Variants in C5AR2 observed in about 807,000 individuals in gnomAD.
The protein encoded by C5AR2 is C5a anaphylatoxin chemotactic receptor 2.
For synonymous variants in C5AR2, 224 were observed against 216.5 expected (o/e 1.03, Z -0.30); for missense variants, 458 against 467.5 (o/e 0.98, Z 0.19).
At chr19:47,336,672 A>G (rs936388004) in intron 1 of C5AR2, among the ~76,000 whole-genome samples, 10 of 151,236 alleles carry the variant, frequency 6.6e-5, no homozygotes, top group Non-Finnish European at 1.3e-4. Context: ...ATGCCTGGCT[A>G]ATTTTTAAAT....
chr19:47,332,628 G>A (rs373190248), intron 1 of C5AR2, among the ~76,000 whole-genome samples: 55 of 152,222 alleles, frequency 3.6e-4, no homozygotes, highest in African/African-American at 1.2e-3. Flanking sequence ...GTGCAATGGT[G>A]CCATCTTGGC....
chr19:47,341,443 C>G lies in C5AR2; in HGVS notation c.644C>G (p.Ala215Gly). The change falls in exon 2 of 2, where the codon GCC becomes GGC. Residue 215 changes from alanine to glycine, a missense_variant. Coordinates refer to ENST00000595464, the MANE Select transcript of C5AR2 (RefSeq NM_001271749.2). This position sits in a 1 kb window ranked among gnomAD's most constrained non-coding sequence, Gnocchi z 4.6. Reference protein sequence around the residue: ...FLFGFLGPLVAVASCHSALLC... With the variant: ...FLFGFLGPLVGVASCHSALLC... ...TTTGGCTTCCTGGGGCCCCTGGTGGCCGTGGCCAGCTGCCACAGTGCCCTC... is the reference window on the plus strand; with the variant it reads ...TTTGGCTTCCTGGGGCCCCTGGTGGGCGTGGCCAGCTGCCACAGTGCCCTC... 1 of 1,611,812 alleles carries G rather than the reference C, an allele frequency of 6.2e-7. No individual in the cohort carries two copies. Among genetic ancestry groups the G allele is most frequent in the South Asian group, 1.1e-5 (1 of 91,084 alleles).
At chr19:47,333,648 G>A (rs928464185) in intron 1 of C5AR2, among the ~76,000 whole-genome samples, 2 of 144,816 alleles carry the variant, frequency 1.4e-5, no homozygotes, top group South Asian at 4.4e-4. Context: ...GTGCGATCTC[G>A]GCTCACTGCA....
chr19:47,340,763 A>G (rs1463962732), intron 1 of C5AR2, 22 bp from the exon 2 acceptor site: 2 of 1,611,862 alleles, frequency 1.2e-6, no homozygotes, highest in South Asian at 1.1e-5. Context: ...CTGAGTTTTC[A>G]TCGTCTTTCT....
chr19:47,338,366 G>A (rs1022721773), intron 1 of C5AR2, among the ~76,000 whole-genome samples: 63 of 150,546 alleles, frequency 4.2e-4, no homozygotes, highest in Middle Eastern at 6.9e-3. Flanking sequence ...AGGACCACTT[G>A]AGCCCAGGAG....
At chr19:47,340,479 A>G (rs964585520) in intron 1 of C5AR2, among the ~76,000 whole-genome samples, 3 of 151,444 alleles carry the variant, frequency 2.0e-5, no homozygotes, top group African/African-American at 7.3e-5. Context: ...AGCTGGGATT[A>G]CAGGTGCCCG....
In C5AR2 at chr19:47,338,282, A is replaced by ATAT. The variant is rs57253009; in HGVS notation, c.-15-2503_-15-2502insTAT. On this transcript the variant is annotated intron_variant, in intron 1 of 1. Coordinates refer to ENST00000595464, the MANE Select transcript of C5AR2 (RefSeq NM_001271749.2). ...ATGGCGAGACCCTGTCTCTAAAAAA[A>ATAT]ATATATATATATAAATTTGCCAGGT... Among the ~76,000 whole-genome samples the ATAT allele has an allele frequency of 9.4e-5, 14 of 149,460 alleles. No homozygotes were observed. In the South Asian group the frequency reaches 1.9e-3, roughly 20 times the overall value.
At position 47,341,942 on chromosome 19, in the gene C5AR2, T is replaced by C. The variant is rs533856489; in HGVS notation, c.*129T>C. 8 of 931,672 alleles carry C rather than the reference T, an allele frequency of 8.6e-6. No individual in the cohort carries two copies. In the East Asian group the frequency reaches 1.3e-4, roughly 15 times the overall value. 57.7% of individuals were successfully genotyped at this position (931,672 alleles called of 1,614,324 possible). A position where few individuals can be genotyped will look rare whatever the true frequency, so the allele number is the denominator to read the frequency against. The stretch of plus-strand genomic sequence containing the variant: ...TCCTTCATTCAACAGATATCCATCA[T>C]GCACTTGCTATGTGCAAGGCCTTTT... On this transcript the variant is annotated 3_prime_UTR_variant, in exon 2 of 2. Transcript: ENST00000595464. This position sits in a 1 kb window ranked among gnomAD's most constrained non-coding sequence, Gnocchi z 4.6.
Position 47,341,243 on chromosome 19 carries a change from G to C in C5AR2, c.444G>C (p.Ala148=). The C allele has an allele frequency of 1.2e-6, 2 of 1,602,480 alleles. No individual in the cohort carries two copies. The highest frequency in any genetic ancestry group is 2.2e-5 in the South Asian group (2 of 91,066). ...GPAWWSTVQR[A]CGVQVACGAA... Reference sequence around the variant, plus strand: ...CCTGGTGGTCTACGGTTCAGCGGGCGTGCGGGGTGCAGGTGGCCTGTGGGG... The same window carrying C: ...CCTGGTGGTCTACGGTTCAGCGGGCCTGCGGGGTGCAGGTGGCCTGTGGGG... Residue 148 remains alanine, a synonymous_variant, in exon 2 of 2, where the codon GCG becomes GCC. Coordinates refer to ENST00000595464, the MANE Select transcript of C5AR2 (RefSeq NM_001271749.2). This position sits in a 1 kb window ranked among gnomAD's most constrained non-coding sequence, Gnocchi z 4.6.
chr19:47,333,801 G>A (rs1178579568), intron 1 of C5AR2, among the ~76,000 whole-genome samples: 1 of 151,956 alleles, frequency 6.6e-6, no homozygotes, highest in East Asian at 1.9e-4. Flanking sequence ...GGATGGTCTC[G>A]ATCTCCTGAC....
chr19:47,341,864 G>A lies in C5AR2; in HGVS notation c.*51G>A. On this transcript the variant is annotated 3_prime_UTR_variant, in exon 2 of 2. Coordinates refer to ENST00000595464, the MANE Select transcript of C5AR2 (RefSeq NM_001271749.2). This position sits in a 1 kb window ranked among gnomAD's most constrained non-coding sequence, Gnocchi z 4.6. ...TCTTCTTATCTCATTTCACAAGACTGGCTTCAGGCATAGCTGGATCCAGGA... is the reference window on the plus strand; with the variant it reads ...TCTTCTTATCTCATTTCACAAGACTAGCTTCAGGCATAGCTGGATCCAGGA... The A allele has an allele frequency of 1.3e-6, 2 of 1,538,860 alleles. No homozygotes were observed. Among genetic ancestry groups the A allele is most frequent in the East Asian group, 2.3e-5 (1 of 44,256 alleles).
In C5AR2 at chr19:47,342,686, A is replaced by T. The variant is rs977869120; in HGVS notation, c.*873A>T. 6.6e-6 allele frequency: 1 copy of T among 152,574 alleles called. No individual in the cohort carries two copies. The highest frequency in any genetic ancestry group is 2.4e-5 in the African/African-American group (1 of 41,398). The allele number at this position is 152,574 out of a possible 1,614,324, so 9.5% of individuals were successfully genotyped here. On this transcript the variant is annotated 3_prime_UTR_variant, in exon 2 of 2. Transcript: ENST00000595464. ...GTGAGCCACCGCACCCGGCCAAAAG[A>T]TTTTAATAGGATCCCTCTGGTTGCT... is the stretch of plus-strand genomic sequence containing the variant.
intron 1 of C5AR2, among the ~76,000 whole-genome samples, chr19:47,333,733 C>T (rs767571854): frequency 2.0e-4 from 31 of 151,970 alleles, no homozygotes; most frequent in Non-Finnish European, 3.5e-4. Flanking sequence ...CGCCCGCCAC[C>T]GCGCCCAGCT....
intron 1 of C5AR2, among the ~76,000 whole-genome samples, chr19:47,333,131 A>G (rs1665489418): frequency 6.6e-6 from 1 of 151,590 alleles, no homozygotes; most frequent in Non-Finnish European, 1.5e-5. Flanking sequence ...CAGCCTGCTG[A>G]GTAGCTGGGA....
At position 47,344,805 on chromosome 19, in the gene C5AR2, G is replaced by C. The variant is rs905617260; in HGVS notation, c.*2992G>C. On this transcript the variant is annotated 3_prime_UTR_variant, in exon 2 of 2. Transcript: ENST00000595464. Reference sequence around the variant, plus strand: ...TTTTATTTTTTTGAGATGAAGTCTTGCTCTGTCACCCAGGCTGGATTGTAG... The same window carrying C: ...TTTTATTTTTTTGAGATGAAGTCTTCCTCTGTCACCCAGGCTGGATTGTAG... 2 of 151,996 alleles carry C rather than the reference G, an allele frequency of 1.3e-5. No homozygotes were observed. Among genetic ancestry groups the C allele is most frequent in the African/African-American group, 4.8e-5 (2 of 41,382 alleles). 9.4% of individuals were successfully genotyped at this position (151,996 alleles called of 1,614,324 possible). A position where few individuals can be genotyped will look rare whatever the true frequency, so the allele number is the denominator to read the frequency against.
In C5AR2 at chr19:47,344,166, A is replaced by AC. The variant is rs1969085067; in HGVS notation, c.*2357dup. On this transcript the variant is annotated 3_prime_UTR_variant, in exon 2 of 2. Transcript: ENST00000595464. ...AGACCTGCCTGGGCAACAGAGCAAGACCCCATCTCTACAAAAATAAAAAAA... is the reference window on the plus strand; with the variant it reads ...AGACCTGCCTGGGCAACAGAGCAAGACCCCCATCTCTACAAAAATAAAAAAA... The AC allele has an allele frequency of 6.6e-6, 1 of 152,058 alleles. No individual in the cohort carries two copies. Among genetic ancestry groups the AC allele is most frequent in the African/African-American group, 2.4e-5 (1 of 41,362 alleles). The allele number at this position is 152,058 out of a possible 1,614,324, so 9.4% of individuals were successfully genotyped here. A position where few individuals can be genotyped will look rare whatever the true frequency, so the allele number is the denominator to read the frequency against.
At position 47,341,464 on chromosome 19, in the gene C5AR2, C is replaced by A. The variant is rs751651636; in HGVS notation, c.665C>A (p.Ala222Asp). ...GTGGCCGTGGCCAGCTGCCACAGTG[C>A]CCTCCTGTGCTGGGCAGCCCGACGC... The part of the protein sequence containing the change: ...PLVAVASCHS[A>D]LLCWAARRCR... The change falls in exon 2 of 2, where the codon GCC becomes GAC. Residue 222 changes from alanine to aspartate, a missense_variant. Transcript: ENST00000595464. This position sits in a 1 kb window ranked among gnomAD's most constrained non-coding sequence, Gnocchi z 4.6. 6.2e-7 allele frequency: 1 copy of A among 1,611,936 alleles called. No individual in the cohort carries two copies. Among genetic ancestry groups the A allele is most frequent in the Non-Finnish European group, 8.5e-7 (1 of 1,179,898 alleles).
At chr19:47,334,543 G>C (rs996144357) in intron 1 of C5AR2, among the ~76,000 whole-genome samples, 3 of 152,086 alleles carry the variant, frequency 2.0e-5, no homozygotes. Context: ...TGAGGCAGGA[G>C]GATCAGTTGA....
In C5AR2 at chr19:47,341,627, C is replaced by T. The variant is rs1969036137; in HGVS notation, c.828C>T (p.Ile276=). 5.0e-6 allele frequency: 8 copies of T among 1,613,918 alleles called. No homozygotes were observed. Among genetic ancestry groups the T allele is most frequent in the African/African-American group, 1.3e-5 (1 of 74,948 alleles). The part of the protein sequence containing the change: ...LARALRAEPL[I]VGLALAHSCL... ...GGGCCCTGCGGGCTGAACCCCTCAT[C>T]GTGGGCCTTGCCCTCGCTCACAGCT... Residue 276 remains isoleucine (I), a synonymous_variant, in exon 2 of 2, where the codon ATC becomes ATT. Transcript: ENST00000595464. This position sits in a 1 kb window ranked among gnomAD's most constrained non-coding sequence, Gnocchi z 4.6.
Sources: allele counts gnomAD v4.1 joint callset (sites outside exome capture counted in the v4.1 genomes callset), GRCh38; gene constraint gnomAD v4.1.1; non-coding constraint Gnocchi (gnomAD v3.1); transcripts MANE v1.5; gene names NCBI Gene and HGNC (gene_info 2026-07-23, HGNC 2026-07-21).